The following ERBB4 variants were observed in gnomAD, a reference collection of about 807,000 sequenced individuals.
ERBB4 encodes receptor tyrosine-protein kinase erbB-4.
In ERBB4, 42 loss-of-function variants were observed where a neutral mutation model predicts 158.0. The observed-to-expected ratio is 0.27, with a 90% confidence interval of 0.21 to 0.34. The LOEUF is 0.34. ERBB4 is among the 10% of genes least tolerant of loss of function. The pLI, the probability that ERBB4 is intolerant of heterozygous loss-of-function variation, is 1.00. For missense variants in ERBB4, 1,333 were observed against 1,624.1 expected (o/e 0.82, Z 3.08); for synonymous variants, 583 against 558.7 (o/e 1.04, Z -0.61).
rs535162785 is a variant in ERBB4 at position 211,389,011 on chromosome 2, C to G, written c.3136-1019G>C. Among the ~76,000 whole-genome samples, 8 of 152,180 alleles carry G rather than the reference C, an allele frequency of 5.3e-5. No homozygotes were observed. The South Asian group carries it at 8.3e-4, about 16-fold the overall frequency. On this transcript the variant is annotated intron_variant, in intron 25 of 27. Coordinates refer to ENST00000342788, the MANE Select transcript of ERBB4 (RefSeq NM_005235.3). ...AAACAGAGATGACTAAAATAAACCT[C>G]TAAGATACCTTACATCTTGTTTGTT...
At chr2:212,137,113 T>C (rs1316405975) in intron 1 of ERBB4, among the ~76,000 whole-genome samples, 4 of 152,062 alleles carry the variant, frequency 2.6e-5, no homozygotes, top group Non-Finnish European at 4.4e-5. Flanking sequence ...TTTAGATGAG[T>C]AGTGGGTTGT....
chr2:211,876,207 T>C (rs1159199784), intron 3 of ERBB4, among the ~76,000 whole-genome samples: 4 of 152,202 alleles, frequency 2.6e-5, no homozygotes, highest in Non-Finnish European at 5.9e-5. Flanking sequence ...AAATATTGTA[T>C]ACACTTAGAG....
intron 2 of ERBB4, among the ~76,000 whole-genome samples, chr2:212,023,006 T>A (rs12694258): frequency 0.93 from 141,035 of 152,112 alleles, 66,253 homozygotes; most frequent in East Asian, 1. Context: ...AGTTCATTTT[T>A]TTTTTATTAC....
chr2:211,771,507 CAT>C (rs1406280834), intron 4 of ERBB4, among the ~76,000 whole-genome samples: 1 of 152,152 alleles, frequency 6.6e-6, no homozygotes, highest in East Asian at 1.9e-4. Context: ...TTTAGTCAAA[CAT>C]AAATAAAATC....
chr2:211,694,581 A>G (rs1251312021), intron 12 of ERBB4, among the ~76,000 whole-genome samples: 2 of 151,632 alleles, frequency 1.3e-5, no homozygotes, highest in Non-Finnish European at 2.9e-5. Flanking sequence ...TTTACAAAGA[A>G]CAGTGTATTG....
At chr2:211,705,973 C>G (rs1053145149) in intron 9 of ERBB4, among the ~76,000 whole-genome samples, 1 of 152,096 alleles carries the variant, frequency 6.6e-6, no homozygotes, top group East Asian at 1.9e-4. Context: ...TTGTTCCTAT[C>G]TAGCTTATTC....
chr2:212,528,118 C>T (rs1171331216), intron 1 of ERBB4, among the ~76,000 whole-genome samples: 1 of 151,970 alleles, frequency 6.6e-6, no homozygotes, highest in East Asian at 1.9e-4. Flanking sequence ...AGTAGAACTC[C>T]TTAACTGATA....
At chr2:211,817,529 A>C (rs79947020) in intron 3 of ERBB4, among the ~76,000 whole-genome samples, 3,387 of 152,290 alleles carry the variant, frequency 0.022, 122 homozygotes, top group African/African-American at 0.076. Flanking sequence ...AAGGTATCAT[A>C]AATTTACTTT....
chr2:212,443,975 G>A (rs1247543335), intron 1 of ERBB4, among the ~76,000 whole-genome samples: 1 of 152,116 alleles, frequency 6.6e-6, no homozygotes, highest in African/African-American at 2.4e-5. Flanking sequence ...CATAAAGTGG[G>A]TCATAAAAAT....
intron 2 of ERBB4, among the ~76,000 whole-genome samples, chr2:212,074,271 A>G (rs998370380): frequency 1.3e-5 from 2 of 152,068 alleles, no homozygotes; most frequent in African/African-American, 2.4e-5. Context: ...CAGACAACTA[A>G]TACTATAAAT....
At chr2:212,191,173 CAT>C in intron 1 of ERBB4, among the ~76,000 whole-genome samples, 1 of 152,158 alleles carries the variant, frequency 6.6e-6, no homozygotes, top group Non-Finnish European at 1.5e-5. Context: ...ATATAAGAAT[CAT>C]GGACAAGACT....
At chr2:211,815,035 T>A (rs769295670) in intron 3 of ERBB4, among the ~76,000 whole-genome samples, 3 of 152,142 alleles carry the variant, frequency 2.0e-5, no homozygotes, top group Non-Finnish European at 4.4e-5. Flanking sequence ...TAATACCTCT[T>A]TTTCCTCTCA....
chr2:212,345,295 T>G (rs370458706), intron 1 of ERBB4, among the ~76,000 whole-genome samples: 3 of 111,990 alleles, frequency 2.7e-5, no homozygotes, highest in East Asian at 2.2e-4. Flanking sequence ...ACACATTGCC[T>G]AGCATGTAGT....
At chr2:212,179,779 A>C (rs931226948) in intron 1 of ERBB4, among the ~76,000 whole-genome samples, 2 of 151,758 alleles carry the variant, frequency 1.3e-5, no homozygotes, top group African/African-American at 4.8e-5. Flanking sequence ...TACCAATTAT[A>C]AACACACTTT....
chr2:212,438,057 A>G (rs866964928), intron 1 of ERBB4, among the ~76,000 whole-genome samples: 4 of 152,176 alleles, frequency 2.6e-5, no homozygotes, highest in South Asian at 2.1e-4. Flanking sequence ...TGAGTTGTAC[A>G]TTTATGAGGC....
At chr2:211,691,517 A>C (rs1409251937) in intron 12 of ERBB4, among the ~76,000 whole-genome samples, 4 of 151,998 alleles carry the variant, frequency 2.6e-5, no homozygotes, top group Admixed American at 2.6e-4. Flanking sequence ...TGGAGTTTAC[A>C]GCTAATTAGA....
chr2:211,402,751 C>G (rs2063071269), intron 25 of ERBB4, among the ~76,000 whole-genome samples: 1 of 151,966 alleles, frequency 6.6e-6, no homozygotes, highest in South Asian at 2.1e-4. Flanking sequence ...GCTGGACCAT[C>G]CTCCCCTAGA....
At chr2:212,038,468 G>T (rs563595125) in intron 2 of ERBB4, among the ~76,000 whole-genome samples, 4 of 152,098 alleles carry the variant, frequency 2.6e-5, no homozygotes, top group African/African-American at 4.8e-5. Flanking sequence ...TACCAGCAAA[G>T]TGTGTGACTG....
Position 211,580,812 on chromosome 2 carries a change from AATATATATATATTATAT to A in ERBB4, c.2302-18741_2302-18725del, listed in dbSNP as rs2068056095. 4.1e-5 allele frequency among the ~76,000 whole-genome samples: 2 copies of A among 48,304 alleles called. 1 individual carries two copies. The highest frequency in any genetic ancestry group is 1.2e-3 in the South Asian group (2 of 1,634). 31.7% of individuals were successfully genotyped at this position (48,304 alleles called of 152,430 possible). A position where few individuals can be genotyped will look rare whatever the true frequency, so the allele number is the denominator to read the frequency against. On this transcript the variant is annotated intron_variant, in intron 19 of 27. Transcript: ENST00000342788. The stretch of plus-strand genomic sequence containing the variant: ...GATATATATATATATATATATATAT[AATATATATATATTATAT>A]ATATAGATTATATATTATATATATA...
Sources: allele counts gnomAD v4.1 joint callset (sites outside exome capture counted in the v4.1 genomes callset), GRCh38; gene constraint gnomAD v4.1.1; transcripts MANE v1.5; gene names NCBI Gene and HGNC (gene_info 2026-07-23, HGNC 2026-07-21).